ARHGEF6: variants seen among roughly 807,000 people sequenced by gnomAD.
ARHGEF6 encodes the protein Rac/Cdc42 guanine nucleotide exchange factor 6, also known as rho guanine nucleotide exchange factor 6.
A neutral mutation model predicts 70.3 loss-of-function variants in ARHGEF6; 9 were observed. That is an observed-to-expected ratio of 0.13 (90% CI 0.08 to 0.22). The LOEUF is 0.22. Among genes scored for constraint, ARHGEF6 ranks in the 10% least tolerant of loss-of-function variants. The pLI is 1.00. For synonymous variants in ARHGEF6, 201 were observed against 207.8 expected (o/e 0.97, Z 0.28); for missense variants, 470 against 563.0 (o/e 0.83, Z 1.67).
intron 2 of ARHGEF6, among the ~76,000 whole-genome samples, chrX:136,773,120 C>G (rs1355469324): frequency 1.8e-5 from 2 of 111,442 alleles, no homozygotes; most frequent in East Asian, 5.6e-4. Context: ...CACCATGCCC[C>G]AGAGCCCAGT....
chrX:136,719,874 C>T (rs780481721), intron 6 of ARHGEF6, among the ~76,000 whole-genome samples: 4 of 111,675 alleles, frequency 3.6e-5, no homozygotes, highest in Non-Finnish European at 7.6e-5. Flanking sequence ...ACTCTGCCTA[C>T]AAATTTGATA....
intron 6 of ARHGEF6, among the ~76,000 whole-genome samples, chrX:136,728,903 G>A (rs5930983): frequency 0.018 from 1,964 of 108,974 alleles, 19 homozygotes; most frequent in Middle Eastern, 0.042. Flanking sequence ...GGACTTGTAC[G>A]GAATTACACC....
At chrX:136,670,856 G>C (rs902312252) in intron 20 of ARHGEF6, among the ~76,000 whole-genome samples, 2 of 111,033 alleles carry the variant, frequency 1.8e-5, no homozygotes, top group African/African-American at 6.6e-5. Flanking sequence ...GTAATTACTG[G>C]GTTGCAGAAC....
intron 2 of ARHGEF6, among the ~76,000 whole-genome samples, chrX:136,759,971 T>G (rs139177709): frequency 2.7e-5 from 3 of 112,174 alleles, no homozygotes; most frequent in African/African-American, 9.7e-5. Flanking sequence ...TTTTGGATGA[T>G]CCACATCTCT....
intron 17 of ARHGEF6, 117 bp downstream of exon 17, chrX:136,677,819 T>G: frequency 1.7e-6 from 1 of 587,041 alleles, no homozygotes; most frequent in Non-Finnish European, 2.7e-6. Context: ...ATCTTCATAT[T>G]TTAGCCACCA....
chrX:136,763,922 C>A (rs2077288198), intron 2 of ARHGEF6, among the ~76,000 whole-genome samples: 1 of 111,455 alleles, frequency 9.0e-6, no homozygotes, highest in Non-Finnish European at 1.9e-5. Flanking sequence ...AAAAACAAAG[C>A]AAGGGTGGAC....
intron 18 of ARHGEF6, 75 bp from the exon 19 acceptor site, chrX:136,675,171 C>A: frequency 1.1e-6 from 1 of 880,658 alleles, no homozygotes; most frequent in Non-Finnish European, 1.7e-6. Flanking sequence ...GCACACTCCA[C>A]TGCCTGGGAC....
intron 3 of ARHGEF6, among the ~76,000 whole-genome samples, chrX:136,746,175 T>C: frequency 8.9e-6 from 1 of 112,410 alleles, no homozygotes; most frequent in Admixed American, 9.4e-5. Flanking sequence ...ATTTTATAAA[T>C]ATCTGTGGCA....
At chrX:136,772,533 G>A (rs2077370849) in intron 2 of ARHGEF6, among the ~76,000 whole-genome samples, 1 of 112,085 alleles carries the variant, frequency 8.9e-6, no homozygotes, top group Admixed American at 9.4e-5. Context: ...CACCTGCTAT[G>A]TACCCACAAA....
chrX:136,774,233 TG>T (rs2077384531), intron 2 of ARHGEF6: 1 of 111,837 alleles, frequency 8.9e-6, no homozygotes, highest in Non-Finnish European at 1.9e-5. Flanking sequence ...ATGCCTAACC[TG>T]GAAGGTGTTT....
intron 6 of ARHGEF6, among the ~76,000 whole-genome samples, chrX:136,717,062 A>G (rs1051652824): frequency 8.9e-6 from 1 of 112,280 alleles, no homozygotes; most frequent in African/African-American, 3.2e-5. Flanking sequence ...ATTTGAAACA[A>G]TAGTGGTTGA....
At chrX:136,676,517 A>T in intron 18 of ARHGEF6, 107 bp downstream of exon 18, 1 of 626,936 alleles carries the variant, frequency 1.6e-6, no homozygotes, top group Non-Finnish European at 2.6e-6. Context: ...AGACGATGTC[A>T]AGAAAAAATT....
chrX:136,766,006 A>C (rs1395005194), intron 2 of ARHGEF6, among the ~76,000 whole-genome samples: 2 of 112,903 alleles, frequency 1.8e-5, no homozygotes, highest in Non-Finnish European at 3.7e-5. Flanking sequence ...CTCTAAGCAC[A>C]CCCAAAGAGT....
intron 9 of ARHGEF6, among the ~76,000 whole-genome samples, chrX:136,702,121 A>G (rs914385533): frequency 1.8e-5 from 2 of 111,991 alleles, no homozygotes; most frequent in Non-Finnish European, 3.8e-5. Context: ...ATAATATTAT[A>G]AGGGATAAGA....
At chrX:136,727,249 A>G (rs943613939) in intron 6 of ARHGEF6, among the ~76,000 whole-genome samples, 3 of 111,436 alleles carry the variant, frequency 2.7e-5, no homozygotes, top group Non-Finnish European at 5.7e-5. Flanking sequence ...ATTTCCTGGA[A>G]TCAACAGCCA....
chrX:136,678,843 A>C, intron 16 of ARHGEF6, among the ~76,000 whole-genome samples: 1 of 111,841 alleles, frequency 8.9e-6, no homozygotes, highest in East Asian at 2.8e-4. Flanking sequence ...ATCTGAAATG[A>C]TTTGAGACAG....
At chrX:136,702,704 G>A (rs1316641541) in intron 9 of ARHGEF6, among the ~76,000 whole-genome samples, 1 of 111,984 alleles carries the variant, frequency 8.9e-6, no homozygotes, top group Admixed American at 9.5e-5. Flanking sequence ...TAATGTGAAT[G>A]CACCTAACAA....
Position 136,672,071 on chromosome X carries a change from T to C in ARHGEF6, c.2084A>G (p.Lys695Arg), listed in dbSNP as rs773714169. ...GCTTCTGGTTTCTTCAATGATGAGTTTCTCTTCCTCAGGGAGTAGGACTTG... is the reference window on the plus strand; with the variant it reads ...GCTTCTGGTTTCTTCAATGATGAGTCTCTCTTCCTCAGGGAGTAGGACTTG... ...IPQVLLPEEE[K>R]LIIEETRSNG... The change falls in exon 20 of 22, where the codon AAA becomes AGA. Residue 695 changes from lysine (K) to arginine (R), a missense_variant. Around this residue, in one of 3 missense-constraint regions of ARHGEF6, gnomAD observed 88 missense variants for 95.5 expected, o/e 0.92. Transcript: ENST00000250617. 4 of 1,209,676 alleles carry C rather than the reference T, an allele frequency of 3.3e-6. No homozygotes were observed. The highest frequency in any genetic ancestry group is 3.4e-6 in the Non-Finnish European group (3 of 894,676).
At chrX:136,727,389 CTTTCTT>C (rs1227695565) in intron 6 of ARHGEF6, among the ~76,000 whole-genome samples, 801 of 72,700 alleles carry the variant, frequency 0.011, 10 homozygotes, top group African/African-American at 0.019. Context: ...TTCTTTCTTT[CTTTCTT>C]TCTCTCTCTC....
Sources: gnomAD v4.1 joint callset for allele counts (sites outside exome capture counted in the v4.1 genomes callset) on GRCh38, gnomAD v4.1.1 for gene constraint, gnomAD v4.1.1 regional missense constraint, MANE v1.5 for transcripts, NCBI Gene and HGNC (gene_info 2026-07-23, HGNC 2026-07-21) for gene names.